USP31: variants seen among roughly 807,000 people sequenced by gnomAD.
USP31 encodes ubiquitin specific peptidase 31.
In USP31, 44 loss-of-function variants were observed where a neutral mutation model predicts 119.4. The ratio of observed to expected loss-of-function variants is 0.37; its 90% CI spans 0.29 to 0.47. The LOEUF is 0.47. Among genes scored for constraint, USP31 ranks in the 20% least tolerant of loss-of-function variants. The pLI, the probability that USP31 is intolerant of heterozygous loss-of-function variation, is 0.99. For missense variants in USP31, 1,643 were observed against 1,730.2 expected, an observed-to-expected ratio of 0.95 and a Z score of 0.89; for synonymous variants, 749 against 705.6, an observed-to-expected ratio of 1.06 and a Z score of -0.97.
At position 23,068,066 on chromosome 16, in the gene USP31, G is replaced by A; in HGVS notation, c.4039C>T (p.Pro1347Ser). ...LSSSMQTSAR[P>S]SQKPQ ...AAATATCACTGAGGTTTTTGAGAAG[G>A]CCGTGCAGAGGTTTGCATGCTAGAA... The change falls in exon 16 of 16, where the codon CCT becomes TCT. Residue 1347 changes from proline (P) to serine (S), a missense_variant. This residue lies in a region of USP31 where 699 missense variants were observed against 650.9 expected (regional missense o/e 1.07). Transcript: ENST00000219689. 6.2e-7 allele frequency: 1 copy of A among 1,612,308 alleles called. No individual in the cohort carries two copies. Among genetic ancestry groups the A allele is most frequent in the Non-Finnish European group, 8.5e-7 (1 of 1,179,306 alleles).
At chr16:23,081,620 T>A (rs989234914) in intron 12 of USP31, among the ~76,000 whole-genome samples, 1 of 152,208 alleles carries the variant, frequency 6.6e-6, no homozygotes, top group Non-Finnish European at 1.5e-5. Flanking sequence ...AAAATACAGA[T>A]TTAGTAAGGT....
intron 6 of USP31, among the ~76,000 whole-genome samples, chr16:23,099,956 C>G (rs1048240276): frequency 5.9e-5 from 9 of 152,072 alleles, no homozygotes; most frequent in African/African-American, 2.2e-4. Context: ...GTGACAAACA[C>G]AAATCAAAAC....
chr16:23,148,253 G>A (rs1903586465), intron 1 of USP31, among the ~76,000 whole-genome samples: 2 of 152,194 alleles, frequency 1.3e-5, no homozygotes, highest in African/African-American at 4.8e-5. Flanking sequence ...CAGAGAGGCT[G>A]CTTAACTTAC....
chr16:23,116,110 G>A (rs77608186), intron 1 of USP31, among the ~76,000 whole-genome samples: 6,090 of 152,198 alleles, frequency 0.04, 419 homozygotes, highest in African/African-American at 0.14. Flanking sequence ...GGGAAGAAGG[G>A]TAGCTTGCAA....
chr16:23,105,982 G>A (rs115658851), intron 4 of USP31, among the ~76,000 whole-genome samples: 1 of 152,160 alleles, frequency 6.6e-6, no homozygotes, highest in South Asian at 2.1e-4. Flanking sequence ...GATACTATGT[G>A]TGGATGACGA....
At position 23,148,991 on chromosome 16, in the gene USP31, A is replaced by G; in HGVS notation, c.280T>C (p.Phe94Leu). 9.5e-7 allele frequency: 1 copy of G among 1,056,156 alleles called. No individual in the cohort carries two copies. Among genetic ancestry groups the G allele is most frequent in the Non-Finnish European group, 1.2e-6 (1 of 866,974 alleles). The allele number at this position is 1,056,156 out of a possible 1,614,324, so 65.4% of individuals were successfully genotyped here. A position where few individuals can be genotyped will look rare whatever the true frequency, so the allele number is the denominator to read the frequency against. Residue 94 changes from phenylalanine to leucine, a missense_variant, in exon 1 of 16, where the codon TTC becomes CTC. Phe to Leu is a conservative substitution (Grantham distance 22). Transcript: ENST00000219689. The stretch of plus-strand genomic sequence containing the variant: ...GGCGCGGCGGCCGGCCCGGGCGGGA[A>G]GCAGCTGCGGAGGCCGCCGCGGTCT... The part of the protein sequence containing the change: ...APDRGGLRSC[F>L]PPGPAAAPTP...
chr16:23,106,112 C>CA, intron 4 of USP31, 101 bp downstream of exon 4: 2 of 1,254,754 alleles, frequency 1.6e-6, no homozygotes, highest in Non-Finnish European at 2.3e-6. Flanking sequence ...TTATTAATCC[C>CA]ATTACCTGTC....
chr16:23,063,336 G>A lies in USP31; in HGVS notation c.*4710C>T, dbSNP rs1899927573. 6.6e-6 allele frequency: 1 copy of A among 152,344 alleles called. No homozygotes were observed. 9.4% of individuals were successfully genotyped at this position (152,344 alleles called of 1,614,324 possible). A position where few individuals can be genotyped will look rare whatever the true frequency, so the allele number is the denominator to read the frequency against. ...TAGTCTAATTGTGATCAGTGGCTGG[G>A]AAGCCCCAAAGCTTTTCAAAATAGC... is the stretch of plus-strand genomic sequence containing the variant. On this transcript the variant is annotated 3_prime_UTR_variant, in exon 16 of 16. Transcript: ENST00000219689.
At chr16:23,096,531 G>A (rs1001455178) in intron 6 of USP31, among the ~76,000 whole-genome samples, 1 of 152,166 alleles carries the variant, frequency 6.6e-6, no homozygotes, top group Non-Finnish European at 1.5e-5. Context: ...CAAATCAACA[G>A]AATATACATT....
chr16:23,146,105 T>C (rs1322770314), intron 1 of USP31, among the ~76,000 whole-genome samples: 3 of 151,926 alleles, frequency 2.0e-5, no homozygotes, highest in African/African-American at 2.4e-5. Flanking sequence ...CATACAAAGA[T>C]GCTGTAGAAA....
intron 11 of USP31, among the ~76,000 whole-genome samples, chr16:23,082,829 C>CTTTT (rs1388989158): frequency 2.6e-5 from 3 of 116,380 alleles, no homozygotes; most frequent in Non-Finnish European, 3.9e-5. Context: ...TTCTTTCTCT[C>CTTTT]TCTTTTTTTT....
chr16:23,070,856 C>T (rs1400239994), intron 15 of USP31, among the ~76,000 whole-genome samples: 1 of 152,072 alleles, frequency 6.6e-6, no homozygotes, highest in Non-Finnish European at 1.5e-5. Context: ...TTTATAGAGC[C>T]TAAGAAACAG....
rs1331708361 is a variant in USP31 at position 23,064,350 on chromosome 16, T to G, written c.*3696A>C. On this transcript the variant is annotated 3_prime_UTR_variant, in exon 16 of 16. Coordinates refer to ENST00000219689, the MANE Select transcript of USP31 (RefSeq NM_020718.4). The stretch of plus-strand genomic sequence containing the variant: ...ATGAGCTTTGTTCACAGCTCTTCTC[T>G]GCTCCATTTTCCCTAAAGGCTGCCA... 6.6e-6 allele frequency: 1 copy of G among 152,238 alleles called. No homozygotes were observed. Among genetic ancestry groups the G allele is most frequent in the African/African-American group, 2.4e-5 (1 of 41,456 alleles). The allele number at this position is 152,238 out of a possible 1,614,324, so 9.4% of individuals were successfully genotyped here. A position where few individuals can be genotyped will look rare whatever the true frequency, so the allele number is the denominator to read the frequency against.
intron 13 of USP31, among the ~76,000 whole-genome samples, chr16:23,074,328 T>C (rs180950315): frequency 8.5e-4 from 129 of 152,292 alleles, no homozygotes; most frequent in Non-Finnish European, 1.5e-3. Context: ...ACCAAAATGG[T>C]GCCAGGGTGA....
rs1901318859 is a variant in USP31, at chr16:23,090,669, A to G, written c.1370T>C (p.Val457Ala). 6.2e-7 allele frequency: 1 copy of G among 1,614,084 alleles called. No individual in the cohort carries two copies. Among genetic ancestry groups the G allele is most frequent in the East Asian group, 2.2e-5 (1 of 44,886 alleles). The change falls in exon 7 of 16, where the codon GTC becomes GCC. Residue 457 changes from valine to alanine, a missense_variant. Val to Ala is a moderately conservative substitution (Grantham distance 64). This residue lies in a region of USP31 where 219 missense variants were observed against 226.4 expected (regional missense o/e 0.97). Transcript: ENST00000219689. ...PTSRAGSDKIVLLVCNRACTG... is the reference protein window; with the variant it reads ...PTSRAGSDKIALLVCNRACTG... ...GCAGGCTCGGTTACACACCAACAGG[A>G]CAATCTTGTCGCTGCCTGCTCTTGA... is the stretch of plus-strand genomic sequence containing the variant.
chr16:23,078,310 CAAAAAAAA>C (rs34288248), intron 13 of USP31, among the ~76,000 whole-genome samples: 2 of 71,150 alleles, frequency 2.8e-5, no homozygotes, highest in African/African-American at 1.3e-4. Flanking sequence ...GACTCCGTCG[CAAAAAAAA>C]AAAAAAAAAA....
At chr16:23,072,654 C>T (rs1900395709) in intron 14 of USP31, 2 of 412,444 alleles carry the variant, frequency 4.8e-6, no homozygotes, top group South Asian at 5.9e-5. Flanking sequence ...AAATTTGTCA[C>T]CATTTTCATA....
chr16:23,138,118 T>C (rs1406414764), intron 1 of USP31, among the ~76,000 whole-genome samples: 3 of 152,194 alleles, frequency 2.0e-5, no homozygotes, highest in African/African-American at 4.8e-5. Context: ...CCTGCAAATG[T>C]GTAAAGAACC....
intron 12 of USP31, 120 bp downstream of exon 12, chr16:23,082,316 TAC>T: frequency 7.6e-7 from 1 of 1,314,768 alleles, no homozygotes; most frequent in Admixed American, 2.0e-5. Context: ...GTCTATAACA[TAC>T]ACAGACAGGA....
Sources: allele counts gnomAD v4.1 joint callset (sites outside exome capture counted in the v4.1 genomes callset), GRCh38; gene constraint gnomAD v4.1.1; regional missense constraint gnomAD v4.1.1; transcripts MANE v1.5; gene names NCBI Gene and HGNC (gene_info 2026-07-23, HGNC 2026-07-21).